DSCAM: variants seen among roughly 807,000 people sequenced by gnomAD.
DSCAM encodes cell adhesion molecule DSCAM.
DSCAM carries 47 observed loss-of-function variants against 217.7 expected under a neutral mutation model. The observed-to-expected ratio is 0.22, with a 90% CI of 0.17 to 0.28. The LOEUF (loss-of-function observed/expected upper bound fraction) is 0.28. DSCAM is among the 10% of genes least tolerant of loss of function. DSCAM has a pLI of 1.00. For missense variants in DSCAM, 2,080 were observed against 2,618.3 expected (o/e 0.79, Z 4.49); for synonymous variants, 1,056 against 1,015.3 (o/e 1.04, Z -0.76).
At chr21:40,770,785 T>C (rs754102652) in intron 1 of DSCAM, among the ~76,000 whole-genome samples, 2 of 152,216 alleles carry the variant, frequency 1.3e-5, no homozygotes, top group East Asian at 1.9e-4. Flanking sequence ...GCCCTAACCA[T>C]GTGGCTGGTA....
At chr21:40,517,404 A>AACACACACACACACACAC (rs3070750) in intron 3 of DSCAM, among the ~76,000 whole-genome samples, 132 of 144,772 alleles carry the variant, frequency 9.1e-4, no homozygotes, top group South Asian at 5.4e-3. Context: ...ACACACAAGC[A>AACACACACACACACACAC]ACACACACAC....
At chr21:40,519,223 G>A (rs2076339435) in intron 3 of DSCAM, among the ~76,000 whole-genome samples, 1 of 152,036 alleles carries the variant, frequency 6.6e-6, no homozygotes, top group African/African-American at 2.4e-5. Flanking sequence ...TGTGAGCTTG[G>A]CTAGGCTGTA....
intron 8 of DSCAM, among the ~76,000 whole-genome samples, chr21:40,315,758 C>T (rs1369354964): frequency 6.6e-6 from 1 of 152,194 alleles, no homozygotes; most frequent in Non-Finnish European, 1.5e-5. Context: ...ATACACATCA[C>T]TCCAAGGATA....
chr21:40,102,486 G>C (rs1019712014), intron 20 of DSCAM, among the ~76,000 whole-genome samples: 32 of 152,266 alleles, frequency 2.1e-4, no homozygotes, highest in African/African-American at 7.5e-4. Flanking sequence ...AGTCAAAAGA[G>C]TGTAAGGGTT....
intron 3 of DSCAM, among the ~76,000 whole-genome samples, chr21:40,400,301 A>G (rs1188644442): frequency 6.6e-6 from 1 of 152,138 alleles, no homozygotes; most frequent in East Asian, 1.9e-4. Context: ...TAATGAAAAC[A>G]TTGTATTTTC....
At chr21:40,318,846 G>A (rs969992391) in intron 8 of DSCAM, among the ~76,000 whole-genome samples, 1 of 152,068 alleles carries the variant, frequency 6.6e-6, no homozygotes, top group Admixed American at 6.6e-5. Flanking sequence ...AGCTCCCCGC[G>A]GGGTTCAATA....
chr21:40,157,721 G>GAC (rs2090494984), intron 16 of DSCAM, among the ~76,000 whole-genome samples: 1 of 148,828 alleles, frequency 6.7e-6, no homozygotes, highest in Non-Finnish European at 1.5e-5. Context: ...TCCTGAGACA[G>GAC]TCTCGCCTTG....
chr21:40,805,865 C>T (rs867578810), intron 1 of DSCAM, among the ~76,000 whole-genome samples: 8 of 152,122 alleles, frequency 5.3e-5, no homozygotes, highest in Admixed American at 1.3e-4. Context: ...CCTGCCACCA[C>T]GCCTAGCTAA....
At chr21:40,178,371 T>TATC (rs1248552342) in intron 15 of DSCAM, among the ~76,000 whole-genome samples, 3 of 152,214 alleles carry the variant, frequency 2.0e-5, no homozygotes, top group African/African-American at 7.2e-5. Flanking sequence ...CCACAATGCT[T>TATC]ATCTCTATCT....
At chr21:40,531,407 G>A (rs966613958) in intron 3 of DSCAM, among the ~76,000 whole-genome samples, 2 of 152,112 alleles carry the variant, frequency 1.3e-5, no homozygotes, top group Non-Finnish European at 2.9e-5. Context: ...GCTCCTGCAC[G>A]GTCCTTCTCC....
intron 19 of DSCAM, among the ~76,000 whole-genome samples, chr21:40,131,867 A>T (rs139682353): frequency 1.0e-3 from 153 of 152,316 alleles, no homozygotes; most frequent in African/African-American, 3.2e-3. Flanking sequence ...AAAGCAAAGC[A>T]TAATTGATTG....
intron 26 of DSCAM, among the ~76,000 whole-genome samples, chr21:40,076,970 T>C (rs2089374090): frequency 6.6e-6 from 1 of 152,222 alleles, no homozygotes; most frequent in African/African-American, 2.4e-5. Flanking sequence ...GATCAAATAA[T>C]TCAACCATAT....
At chr21:40,117,736 G>A (rs536767353) in intron 20 of DSCAM, among the ~76,000 whole-genome samples, 5 of 152,136 alleles carry the variant, frequency 3.3e-5, no homozygotes, top group South Asian at 4.1e-4. Context: ...GAGTACTTTC[G>A]TGGCGTGATT....
chr21:40,264,208 C>G (rs2073491951), intron 11 of DSCAM, among the ~76,000 whole-genome samples: 1 of 152,062 alleles, frequency 6.6e-6, no homozygotes, highest in South Asian at 2.1e-4. Context: ...TTCTATGAAG[C>G]CAGTATCCTC....
chr21:40,341,761 T>C (rs1480341669), intron 6 of DSCAM, among the ~76,000 whole-genome samples: 1 of 152,202 alleles, frequency 6.6e-6, no homozygotes, highest in Non-Finnish European at 1.5e-5. Flanking sequence ...AGATGTAACT[T>C]TGGAACAGTA....
intron 1 of DSCAM, among the ~76,000 whole-genome samples, chr21:40,831,464 C>T (rs79947955): frequency 1.1e-4 from 16 of 152,196 alleles, no homozygotes; most frequent in East Asian, 5.8e-4. Flanking sequence ...AAGATTCAGA[C>T]GCTTACTAAC....
intron 11 of DSCAM, among the ~76,000 whole-genome samples, chr21:40,207,307 G>A (rs1331083200): frequency 6.6e-6 from 1 of 152,068 alleles, no homozygotes; most frequent in Non-Finnish European, 1.5e-5. Flanking sequence ...AAATTTTCTT[G>A]CCATTGCAGA....
intron 3 of DSCAM, among the ~76,000 whole-genome samples, chr21:40,614,809 G>A (rs2089366215): frequency 6.6e-6 from 1 of 152,108 alleles, no homozygotes; most frequent in Non-Finnish European, 1.5e-5. Context: ...CAATGAAACA[G>A]GCACATGTTT....
chr21:40,173,546 G>C (rs573440998), intron 15 of DSCAM, among the ~76,000 whole-genome samples: 1 of 152,156 alleles, frequency 6.6e-6, no homozygotes, highest in South Asian at 2.1e-4. Flanking sequence ...GGGTGTGCTC[G>C]GCTCTTCTCG....
Sources: allele counts gnomAD v4.1 joint callset (sites outside exome capture counted in the v4.1 genomes callset), GRCh38; gene constraint gnomAD v4.1.1; transcripts MANE v1.5; gene names NCBI Gene and HGNC (gene_info 2026-07-23, HGNC 2026-07-21).